The following DPP10 variants were observed in gnomAD, a reference collection of about 807,000 sequenced individuals.
DPP10 encodes inactive dipeptidyl peptidase 10.
A neutral mutation model predicts 120.9 loss-of-function variants in DPP10; 33 were observed. The observed-to-expected ratio is 0.27, with a 90% confidence interval of 0.21 to 0.37. The LOEUF (loss-of-function observed/expected upper bound fraction) is 0.37. Among genes scored for constraint, DPP10 ranks in the 10% least tolerant of loss-of-function variants. The pLI is 1.00. For synonymous variants in DPP10, 337 were observed against 326.1 expected, an observed-to-expected ratio of 1.03 and a Z score of -0.36; for missense variants, 816 against 942.8, an observed-to-expected ratio of 0.87 and a Z score of 1.76.
At chr2:115,162,527 G>A (rs1191209406) in intron 1 of DPP10, among the ~76,000 whole-genome samples, 5 of 152,164 alleles carry the variant, frequency 3.3e-5, no homozygotes, top group Non-Finnish European at 7.3e-5. Context: ...TGTTTCTTTT[G>A]AGGAGACGGG....
chr2:115,195,859 C>A (rs577310246), intron 1 of DPP10, among the ~76,000 whole-genome samples: 80 of 152,254 alleles, frequency 5.3e-4, no homozygotes, highest in Non-Finnish European at 1.0e-3. Context: ...TTTTTCTCTT[C>A]TTTTTCTGCA....
At chr2:115,378,664 A>G (rs1574623791) in intron 3 of DPP10, among the ~76,000 whole-genome samples, 1 of 151,824 alleles carries the variant, frequency 6.6e-6, no homozygotes, top group Non-Finnish European at 1.5e-5. Context: ...GTTTTTGCCC[A>G]TTCAGTATGA....
intron 1 of DPP10, among the ~76,000 whole-genome samples, chr2:115,224,052 T>A (rs966296983): frequency 6.6e-6 from 1 of 152,146 alleles, no homozygotes; most frequent in Admixed American, 6.6e-5. Context: ...AGAGGTTCAA[T>A]GATAAACTCA....
chr2:115,508,192 A>T lies in DPP10; in HGVS notation c.366+8588A>T, dbSNP rs75956151. On this transcript the variant is annotated intron_variant, in intron 4 of 25. Transcript: ENST00000410059. The stretch of plus-strand genomic sequence containing the variant: ...ATCTTGAAATAAAATTAACAAATTT[A>T]TAATAAATAGAACATAGACATGCAA... 3.6e-3 allele frequency among the ~76,000 whole-genome samples: 550 copies of T among 152,294 alleles called. 3 individuals are homozygous for T. Among genetic ancestry groups the T allele is most frequent in the African/African-American group, 0.013 (538 of 41,580 alleles).
intron 1 of DPP10, among the ~76,000 whole-genome samples, chr2:114,637,133 C>G (rs970487024): frequency 4.0e-5 from 6 of 151,816 alleles, no homozygotes; most frequent in African/African-American, 1.5e-4. Flanking sequence ...ATTCTAATAT[C>G]TTGTATTTTA....
In DPP10 at chr2:114,780,577, A is replaced by G. The variant is rs536980867; in HGVS notation, c.60+337739A>G. Among the ~76,000 whole-genome samples the G allele has an allele frequency of 1.4e-4, 21 of 152,236 alleles. No homozygotes were observed. In the South Asian group the frequency reaches 4.2e-3, roughly 30 times the overall value. On this transcript the variant is annotated intron_variant, in intron 1 of 25. Coordinates refer to ENST00000410059, the MANE Select transcript of DPP10 (RefSeq NM_020868.6). ...CTAAATTCCATTTAAATTTTACAAT[A>G]GCTATTATTACAATAACACACTATT...
At chr2:115,394,565 G>T (rs1371309365) in intron 3 of DPP10, among the ~76,000 whole-genome samples, 1 of 151,452 alleles carries the variant, frequency 6.6e-6, no homozygotes, top group African/African-American at 2.4e-5. Context: ...TTTTTTAAAA[G>T]TATTTATCCC....
At chr2:115,281,692 A>G (rs1574281875) in intron 1 of DPP10, among the ~76,000 whole-genome samples, 1 of 152,180 alleles carries the variant, frequency 6.6e-6, no homozygotes, top group Admixed American at 6.5e-5. Context: ...ATATGCAACA[A>G]ATATTAGTTG....
chr2:115,146,584 A>AG (rs139578763), intron 1 of DPP10, among the ~76,000 whole-genome samples: 2,516 of 151,420 alleles, frequency 0.017, 70 homozygotes, highest in African/African-American at 0.059. Flanking sequence ...ATTTGACAAC[A>AG]GGGGAAAAAA....
At chr2:114,846,632 T>C (rs982589684) in intron 1 of DPP10, among the ~76,000 whole-genome samples, 10 of 152,098 alleles carry the variant, frequency 6.6e-5, no homozygotes, top group Admixed American at 1.3e-4. Context: ...AAAGTGTTAA[T>C]CTTCTAGATC....
chr2:114,982,862 C>T (rs374998848), intron 1 of DPP10, among the ~76,000 whole-genome samples: 1 of 152,092 alleles, frequency 6.6e-6, no homozygotes, highest in African/African-American at 2.4e-5. Flanking sequence ...CCACCTGAGC[C>T]TCCCAAAGTG....
chr2:115,279,599 C>T (rs941963669), intron 1 of DPP10, among the ~76,000 whole-genome samples: 19 of 147,924 alleles, frequency 1.3e-4, no homozygotes, highest in African/African-American at 4.8e-4. Flanking sequence ...TTTTGGGTAG[C>T]ATTTTTCTTT....
chr2:114,876,484 C>T lies in DPP10; in HGVS notation c.61-432755C>T, dbSNP rs144238475. On this transcript the variant is annotated intron_variant, in intron 1 of 25. Coordinates refer to ENST00000410059, the MANE Select transcript of DPP10 (RefSeq NM_020868.6). Reference sequence around the variant, plus strand: ...ATCTGAACTCTGGCCCTGCCTTTTACTAACTTGGGGATTTTGGACAATCAG... The same window carrying T: ...ATCTGAACTCTGGCCCTGCCTTTTATTAACTTGGGGATTTTGGACAATCAG... 1.5e-3 allele frequency among the ~76,000 whole-genome samples: 225 copies of T among 152,180 alleles called. 2 individuals carry two copies. Among genetic ancestry groups the T allele is most frequent in the African/African-American group, 4.8e-3 (200 of 41,538 alleles).
chr2:115,502,763 G>A (rs906055419), intron 4 of DPP10, among the ~76,000 whole-genome samples: 1 of 152,106 alleles, frequency 6.6e-6, no homozygotes, highest in Non-Finnish European at 1.5e-5. Context: ...TGCAATCATA[G>A]CTCACTGCAG....
At position 115,087,945 on chromosome 2, in the gene DPP10, C is replaced by T. The variant is rs193245502; in HGVS notation, c.61-221294C>T. 8.1e-4 allele frequency among the ~76,000 whole-genome samples: 124 copies of T among 152,266 alleles called. 1 individual carries two copies. The highest frequency in any genetic ancestry group is 2.9e-3 in the African/African-American group (119 of 41,542). ...AGCCGCTGTAACAAAATACCATAGA[C>T]TTGGTGGCTTATAAACACAGACCTT... On this transcript the variant is annotated intron_variant, in intron 1 of 25. Coordinates refer to ENST00000410059, the MANE Select transcript of DPP10 (RefSeq NM_020868.6).
chr2:115,778,267 A>C (rs1210532960), intron 15 of DPP10, among the ~76,000 whole-genome samples: 1 of 152,096 alleles, frequency 6.6e-6, no homozygotes, highest in Admixed American at 6.6e-5. Context: ...TGTATCAAGC[A>C]GGAAGCTTTC....
chr2:114,579,239 G>A (rs937009728), intron 1 of DPP10, among the ~76,000 whole-genome samples: 1 of 152,212 alleles, frequency 6.6e-6, no homozygotes, highest in Admixed American at 6.5e-5. Flanking sequence ...CTTGACATAT[G>A]CGCTGGGCTT....
intron 1 of DPP10, among the ~76,000 whole-genome samples, chr2:115,035,503 G>T (rs1949055): frequency 6.6e-6 from 1 of 152,332 alleles, no homozygotes; most frequent in African/African-American, 2.4e-5. Context: ...TTTTCAGAAC[G>T]ATTCTTATAT....
intron 1 of DPP10, among the ~76,000 whole-genome samples, chr2:115,058,967 T>A (rs865835519): frequency 2.8e-4 from 43 of 152,110 alleles, no homozygotes; most frequent in Admixed American, 2.4e-3. Flanking sequence ...AAAACGCAGA[T>A]CTCTTAGTGA....
Sources: allele counts gnomAD v4.1 joint callset (sites outside exome capture counted in the v4.1 genomes callset), GRCh38; gene constraint gnomAD v4.1.1; transcripts MANE v1.5; gene names NCBI Gene and HGNC (gene_info 2026-07-23, HGNC 2026-07-21).